Variants in PTPRG observed in about 807,000 individuals in gnomAD.
PTPRG encodes protein tyrosine phosphatase receptor type G.
A neutral mutation model predicts 165.3 loss-of-function variants in PTPRG; 102 were observed. The observed-to-expected ratio is 0.62, with a 90% CI of 0.53 to 0.73. PTPRG has a LOEUF of 0.73. PTPRG is among the 30% of genes least tolerant of loss of function. PTPRG has a pLI of 0.00. For synonymous variants in PTPRG, 675 were observed against 669.5 expected (o/e 1.01, Z -0.13); for missense variants, 1,866 against 1,861.4 (o/e 1.00, Z -0.05).
chr3:62,247,829 C>G (rs1261628940), intron 15 of PTPRG, among the ~76,000 whole-genome samples: 1 of 152,136 alleles, frequency 6.6e-6, no homozygotes, highest in Non-Finnish European at 1.5e-5. Flanking sequence ...CTTTTGGAAA[C>G]TATTATAAAA....
intron 2 of PTPRG, among the ~76,000 whole-genome samples, chr3:61,910,833 A>C (rs2038784187): frequency 6.6e-6 from 1 of 152,198 alleles, no homozygotes; most frequent in African/African-American, 2.4e-5. Flanking sequence ...CTTTGATTAA[A>C]ACTGTCAGGG....
At chr3:61,642,574 A>G (rs1179954340) in intron 1 of PTPRG, among the ~76,000 whole-genome samples, 1 of 152,150 alleles carries the variant, frequency 6.6e-6, no homozygotes, top group Admixed American at 6.5e-5. Context: ...TGCAGACTCC[A>G]CCTGTTCTCC....
At chr3:61,927,810 G>A (rs1220151283) in intron 2 of PTPRG, among the ~76,000 whole-genome samples, 1 of 152,124 alleles carries the variant, frequency 6.6e-6, no homozygotes, top group Non-Finnish European at 1.5e-5. Flanking sequence ...TCTTTATGCA[G>A]CAGTCATTTG....
In PTPRG at chr3:61,786,655, G is replaced by T. The variant is rs775346707; in HGVS notation, c.190+37673G>T. On this transcript the variant is annotated intron_variant, in intron 2 of 29. Coordinates refer to ENST00000474889, the MANE Select transcript of PTPRG (RefSeq NM_002841.4). ...GCAGGAGTATTATTTTTGGAGAAAA[G>T]ACCTACTTTTACCTTTGTGCTTCTA... is the stretch of plus-strand genomic sequence containing the variant. 4.6e-5 allele frequency among the ~76,000 whole-genome samples: 7 copies of T among 152,144 alleles called. No individual in the cohort carries two copies. In the East Asian group the frequency reaches 5.8e-4, roughly 13 times the overall value.
chr3:61,614,873 T>C (rs1701262483), intron 1 of PTPRG, among the ~76,000 whole-genome samples: 2 of 152,226 alleles, frequency 1.3e-5, no homozygotes, highest in South Asian at 4.1e-4. Context: ...ATGTCTGCCC[T>C]TTGGATTTGT....
intron 15 of PTPRG, among the ~76,000 whole-genome samples, chr3:62,248,144 G>T (rs911893256): frequency 1.2e-4 from 18 of 152,086 alleles, no homozygotes; most frequent in Non-Finnish European, 2.2e-4. Context: ...AAATGCAAGA[G>T]TATTTATCCA....
intron 4 of PTPRG, among the ~76,000 whole-genome samples, chr3:62,071,071 C>T (rs1299207037): frequency 1.3e-5 from 2 of 152,144 alleles, no homozygotes; most frequent in Non-Finnish European, 2.9e-5. Context: ...TACGTCTCAT[C>T]TCCATCTGTT....
intron 5 of PTPRG, among the ~76,000 whole-genome samples, chr3:62,123,870 A>C (rs1703176453): frequency 6.6e-6 from 1 of 152,162 alleles, no homozygotes; most frequent in South Asian, 2.1e-4. Context: ...TCCACCTTTG[A>C]AAAAAGGCAA....
chr3:62,203,605 G>A lies in PTPRG; in HGVS notation c.1810G>A (p.Glu604Lys), dbSNP rs1433488876. 5.2e-6 allele frequency: 8 copies of A among 1,553,092 alleles called. No homozygotes were observed. Among genetic ancestry groups the A allele is most frequent in the Admixed American group, 2.0e-5 (1 of 51,086 alleles). ...CGAGGAGGATGGAGAGAAGGACTCC[G>A]AAAAGAAGGAGAAGAGTGGGGTGAC... is the stretch of plus-strand genomic sequence containing the variant. ...EHEEDGEKDS[E>K]KKEKSGVTHA... The change falls in exon 12 of 30, where the codon GAA (glutamate) becomes AAA (lysine). Residue 604 changes from glutamate to lysine, a missense_variant. By Grantham distance (56) the Glu-to-Lys change is moderately conservative. Around this residue, in one of 3 missense-constraint regions of PTPRG, gnomAD observed 1,452 missense variants for 1,463.0 expected, o/e 0.99. Transcript: ENST00000474889. The surrounding 1 kb of genome is among the most constrained non-coding windows in gnomAD (Gnocchi z 6.4).
intron 2 of PTPRG, among the ~76,000 whole-genome samples, chr3:61,973,249 C>T (rs2040424116): frequency 6.6e-6 from 1 of 152,146 alleles, no homozygotes; most frequent in South Asian, 2.1e-4. Context: ...TTCTAAATTG[C>T]TAATTAGAGC....
At chr3:61,834,283 G>C (rs1352590677) in intron 2 of PTPRG, among the ~76,000 whole-genome samples, 1 of 152,122 alleles carries the variant, frequency 6.6e-6, no homozygotes, top group Non-Finnish European at 1.5e-5. Flanking sequence ...ATATTGTCAA[G>C]TTTTTTCATA....
At chr3:61,857,591 G>T (rs996622203) in intron 2 of PTPRG, among the ~76,000 whole-genome samples, 2 of 152,166 alleles carry the variant, frequency 1.3e-5, no homozygotes, top group African/African-American at 4.8e-5. Context: ...TAAAAGGTCA[G>T]CCTGGGGACC....
At chr3:61,761,970 G>A (rs536719546) in intron 2 of PTPRG, among the ~76,000 whole-genome samples, 1 of 152,244 alleles carries the variant, frequency 6.6e-6, no homozygotes, top group South Asian at 2.1e-4. Flanking sequence ...CATGCCATTA[G>A]TACACTGAGT....
At chr3:61,808,047 CTG>C (rs1447260974) in intron 2 of PTPRG, among the ~76,000 whole-genome samples, 1 of 152,310 alleles carries the variant, frequency 6.6e-6, no homozygotes, top group East Asian at 1.9e-4. Context: ...CTCCCTGACT[CTG>C]TGTAATCCTA....
intron 5 of PTPRG, among the ~76,000 whole-genome samples, chr3:62,096,713 A>T (rs1161216154): frequency 6.6e-6 from 1 of 152,220 alleles, no homozygotes; most frequent in Non-Finnish European, 1.5e-5. Flanking sequence ...TAATACATAA[A>T]AATGACAGTC....
intron 1 of PTPRG, among the ~76,000 whole-genome samples, chr3:61,671,844 C>T (rs1407672595): frequency 2.9e-5 from 4 of 137,666 alleles, no homozygotes; most frequent in Non-Finnish European, 4.7e-5. Context: ...TAGGGGCGGC[C>T]GGGCAGAGGC....
intron 4 of PTPRG, among the ~76,000 whole-genome samples, chr3:62,023,172 A>G (rs1405359666): frequency 6.6e-6 from 1 of 152,206 alleles, no homozygotes; most frequent in African/African-American, 2.4e-5. Context: ...TGAGTTAATT[A>G]TATTTCTGTG....
At chr3:61,973,027 A>G (rs2040419253) in intron 2 of PTPRG, among the ~76,000 whole-genome samples, 1 of 152,126 alleles carries the variant, frequency 6.6e-6, no homozygotes, top group African/African-American at 2.4e-5. Context: ...GAGAAAAATT[A>G]ATGCTAATAA....
rs1182187356 is a variant in PTPRG, at chr3:61,898,678, A to G, written c.191-90947A>G. ...TTTTTGCAATGGAGTCTCTTTTCTT[A>G]TTGAATAAAGCATGTGGCAAAGGTC... is the stretch of plus-strand genomic sequence containing the variant. On this transcript the variant is annotated intron_variant, in intron 2 of 29. Coordinates refer to ENST00000474889, the MANE Select transcript of PTPRG (RefSeq NM_002841.4). Among the ~76,000 whole-genome samples the G allele has an allele frequency of 2.0e-5, 3 of 152,144 alleles. No individual in the cohort carries two copies. In the East Asian group the frequency reaches 5.8e-4, roughly 29 times the overall value.
Sources: allele counts gnomAD v4.1 joint callset (sites outside exome capture counted in the v4.1 genomes callset), GRCh38; gene constraint gnomAD v4.1.1; regional missense constraint gnomAD v4.1.1; non-coding constraint Gnocchi (gnomAD v3.1); transcripts MANE v1.5; gene names NCBI Gene and HGNC (gene_info 2026-07-23, HGNC 2026-07-21).